DAPK1: variants seen among roughly 807,000 people sequenced by gnomAD.
The protein encoded by DAPK1 is death associated protein kinase 1, also known as death-associated protein kinase 1.
DAPK1 carries 56 observed loss-of-function variants against 144.9 expected under a neutral mutation model. The ratio of observed to expected loss-of-function variants is 0.39; its 90% CI spans 0.31 to 0.48. The LOEUF is 0.48. Among genes scored for constraint, DAPK1 ranks in the 20% least tolerant of loss-of-function variants. DAPK1 has a pLI of 0.95. For missense variants in DAPK1, 1,454 were observed against 1,875.4 expected (o/e 0.78, Z 4.15); for synonymous variants, 690 against 749.0 (o/e 0.92, Z 1.29).
intron 20 of DAPK1, among the ~76,000 whole-genome samples, chr9:87,683,085 A>ATTTT (rs1554704267): frequency 1.8e-5 from 2 of 112,552 alleles, no homozygotes; most frequent in African/African-American, 2.7e-5. Context: ...TATTTTATTT[A>ATTTT]TTTTTTTTTT....
intron 2 of DAPK1, among the ~76,000 whole-genome samples, chr9:87,572,083 G>A (rs930098127): frequency 2.0e-5 from 3 of 152,224 alleles, no homozygotes; most frequent in African/African-American, 7.2e-5. Flanking sequence ...GCTCAGCATT[G>A]GCAACTCCCA....
chr9:87,691,456 G>A (rs560388005), intron 21 of DAPK1, among the ~76,000 whole-genome samples: 1 of 151,782 alleles, frequency 6.6e-6, no homozygotes, highest in Non-Finnish European at 1.5e-5. Flanking sequence ...CATTTCATCA[G>A]TTCTTTGTAT....
intron 3 of DAPK1, among the ~76,000 whole-genome samples, chr9:87,625,623 T>C (rs1829465677): frequency 6.6e-6 from 1 of 152,168 alleles, no homozygotes; most frequent in South Asian, 2.1e-4. Flanking sequence ...TTCTGTGAGA[T>C]GCCATCTGCT....
chr9:87,593,447 G>A (rs1020229469), intron 2 of DAPK1, among the ~76,000 whole-genome samples: 1 of 152,182 alleles, frequency 6.6e-6, no homozygotes, highest in Admixed American at 6.5e-5. Context: ...ATCTTTCTTT[G>A]TTCTTCCTCT....
intron 2 of DAPK1, among the ~76,000 whole-genome samples, chr9:87,513,218 A>G (rs1427591729): frequency 6.6e-6 from 1 of 152,270 alleles, no homozygotes; most frequent in Non-Finnish European, 1.5e-5. Flanking sequence ...TCAAGGGCTA[A>G]TTGAATATCT....
rs1047830245 is a variant in DAPK1, at chr9:87,686,176, G to A, written c.2225-375G>A. Among the ~76,000 whole-genome samples the A allele has an allele frequency of 3.9e-5, 6 of 152,218 alleles. No homozygotes were observed. Among genetic ancestry groups the A allele is most frequent in the East Asian group, 1.9e-4 (1 of 5,196 alleles). On this transcript the variant is annotated intron_variant, in intron 20 of 25. Transcript: ENST00000408954. The surrounding 1 kb of genome is among the most constrained non-coding windows in gnomAD (Gnocchi z 4.2). ...AGGAAGACAGAGACTGCGAGTATCA[G>A]CAAAGTAGCAGGAAGTGAGAAGGGA...
intron 22 of DAPK1, chr9:87,698,424 T>G (rs2118037170): frequency 2.3e-6 from 1 of 443,398 alleles, no homozygotes. Context: ...TGGTCCACTT[T>G]GAGCAATTTT....
intron 2 of DAPK1, among the ~76,000 whole-genome samples, chr9:87,553,147 G>A (rs1826560011): frequency 6.6e-6 from 1 of 152,014 alleles, no homozygotes; most frequent in Non-Finnish European, 1.5e-5. Context: ...TGATATTGTT[G>A]ATATTTAAGT....
At chr9:87,649,346 C>G (rs1830369089) in intron 15 of DAPK1, among the ~76,000 whole-genome samples, 2 of 152,198 alleles carry the variant, frequency 1.3e-5, no homozygotes, top group Non-Finnish European at 2.9e-5. Context: ...AGATACAGGC[C>G]TCACGGTCTA....
At chr9:87,546,593 A>G (rs921609609) in intron 2 of DAPK1, among the ~76,000 whole-genome samples, 9 of 152,202 alleles carry the variant, frequency 5.9e-5, no homozygotes, top group African/African-American at 2.2e-4. Context: ...CAAGGCCTCA[A>G]TGCTAAAGCA....
intron 16 of DAPK1, chr9:87,650,319 C>A (rs1038509634): frequency 1.8e-6 from 1 of 561,964 alleles, no homozygotes; most frequent in Admixed American, 3.4e-5. Context: ...TGGCATATAA[C>A]AAAATTCATG....
intron 2 of DAPK1, among the ~76,000 whole-genome samples, chr9:87,598,835 C>T (rs1479806553): frequency 6.6e-6 from 1 of 152,182 alleles, no homozygotes; most frequent in Non-Finnish European, 1.5e-5. Context: ...ATCCTTGTGC[C>T]TTGACCTTGA....
intron 2 of DAPK1, among the ~76,000 whole-genome samples, chr9:87,581,517 G>C (rs978199328): frequency 2.0e-5 from 3 of 152,046 alleles, no homozygotes; most frequent in African/African-American, 7.2e-5. Context: ...CCAATAATTA[G>C]AGAATATGGC....
chr9:87,567,996 G>A (rs996877299), intron 2 of DAPK1, among the ~76,000 whole-genome samples: 4 of 152,210 alleles, frequency 2.6e-5, no homozygotes, highest in African/African-American at 4.8e-5. Context: ...CCAAGAAGAC[G>A]GTCCAAGGTC....
chr9:87,590,060 C>G (rs375051826), intron 2 of DAPK1, among the ~76,000 whole-genome samples: 15 of 152,296 alleles, frequency 9.8e-5, no homozygotes, highest in African/African-American at 3.6e-4. Flanking sequence ...ATTTCTAATT[C>G]ATCAGATCAA....
intron 2 of DAPK1, among the ~76,000 whole-genome samples, chr9:87,554,750 G>A (rs1207544574): frequency 1.3e-5 from 2 of 152,220 alleles, no homozygotes; most frequent in Non-Finnish European, 1.5e-5. Context: ...CGGCCTGACT[G>A]CTCTGGCGGG....
chr9:87,531,140 G>A (rs1412486773), intron 2 of DAPK1, among the ~76,000 whole-genome samples: 1 of 152,198 alleles, frequency 6.6e-6, no homozygotes, highest in African/African-American at 2.4e-5. Flanking sequence ...AGGATAAAAT[G>A]CTCTGATCAT....
At chr9:87,570,794 G>C (rs2118739524) in intron 2 of DAPK1, among the ~76,000 whole-genome samples, 1 of 152,336 alleles carries the variant, frequency 6.6e-6, no homozygotes, top group East Asian at 1.9e-4. Context: ...ACAGCAGAGA[G>C]GGGAGAGAAA....
At position 87,542,245 on chromosome 9, in the gene DAPK1, A is replaced by G. The variant is rs575536904; in HGVS notation, c.62+43106A>G. On this transcript the variant is annotated intron_variant, in intron 2 of 25. Transcript: ENST00000408954. ...AATTCCGTATGAACAATAATAGGTA[A>G]CATTTCCTGAGTACTGAAGACAGGT... 2.3e-4 allele frequency among the ~76,000 whole-genome samples: 35 copies of G among 152,342 alleles called. 1 individual carries two copies. The South Asian group carries it at 7.0e-3, about 31-fold the overall frequency.
Sources: gnomAD v4.1 joint callset for allele counts (sites outside exome capture counted in the v4.1 genomes callset) on GRCh38, gnomAD v4.1.1 for gene constraint, Gnocchi (gnomAD v3.1) non-coding constraint, MANE v1.5 for transcripts, NCBI Gene and HGNC (gene_info 2026-07-23, HGNC 2026-07-21) for gene names.